The following MAST1 variants were observed in gnomAD, a reference collection of about 807,000 sequenced individuals.
The protein encoded by MAST1 is microtubule-associated serine/threonine-protein kinase 1.
A neutral mutation model predicts 124.6 loss-of-function variants in MAST1; 40 were observed. That is an observed-to-expected ratio of 0.32 (90% confidence interval 0.25 to 0.42). MAST1 has a LOEUF of 0.42. Among genes scored for constraint, MAST1 ranks in the 10% least tolerant of loss-of-function variants. The pLI, the probability that MAST1 is intolerant of heterozygous loss-of-function variation, is 1.00. For synonymous variants in MAST1, 938 were observed against 939.4 expected (o/e 1.00, Z 0.03); for missense variants, 1,558 against 2,181.9 (o/e 0.71, Z 5.70).
Position 12,871,065 on chromosome 19 carries a change from G to A in MAST1, c.3156G>A (p.Thr1052=), listed in dbSNP as rs1970227498. The part of the protein sequence containing the change: ...KSGNKVAVTT[T]PFENTSIRIG... ...GCAACAAGGTAGCAGTGACCACAAC[G>A]CCCTTCGAAAATACCTCTATCCGCA... Residue 1052 remains threonine (T), a synonymous_variant, in exon 24 of 26, where the codon ACG becomes ACA. Transcript: ENST00000251472. 1.2e-6 allele frequency: 2 copies of A among 1,614,174 alleles called. No homozygotes were observed. The highest frequency in any genetic ancestry group is 1.3e-5 in the African/African-American group (1 of 75,050).
chr19:12,872,961 A>G (rs1970255334), intron 24 of MAST1, among the ~76,000 whole-genome samples: 1 of 151,238 alleles, frequency 6.6e-6, no homozygotes, highest in African/African-American at 2.4e-5. Context: ...CAGAATTGGG[A>G]GTGGCCTAAA....
rs114878184 is a variant in MAST1, at chr19:12,840,229, T to G, written c.84-217T>G. Among the ~76,000 whole-genome samples, 461 of 152,352 alleles carry G rather than the reference T, an allele frequency of 3.0e-3. 4 individuals are homozygous for G. Among genetic ancestry groups the G allele is most frequent in the African/African-American group, 0.011 (448 of 41,574 alleles). ...ACACTGCCCTACACATAATCCATAC[T>G]GAGAGTTTCTCACACACATGTCATA... On this transcript the variant is annotated intron_variant, in intron 1 of 25. Transcript: ENST00000251472.
intron 22 of MAST1, 61 bp downstream of exon 22, chr19:12,869,356 C>A: frequency 7.3e-7 from 1 of 1,365,262 alleles, no homozygotes. Flanking sequence ...AAAGGCCCCT[C>A]CAGCTCAAAC....
chr19:12,852,281 G>A (rs761080540), intron 9 of MAST1, 34 bp downstream of exon 9: 1 of 1,614,056 alleles, frequency 6.2e-7, no homozygotes, highest in Non-Finnish European at 8.5e-7. Flanking sequence ...GACTGGGGGT[G>A]AGCAGGCCCA....
At position 12,873,518 on chromosome 19, in the gene MAST1, C is replaced by A; in HGVS notation, c.3451+7C>A. ...CCTGACTCCGCCTACCTAGGTATTA[C>A]CTCCTGCACCTGCGCGGGGACCGAG... On this transcript the variant is annotated splice_region_variant and intron_variant, in intron 25 of 25. Coordinates refer to ENST00000251472, the MANE Select transcript of MAST1 (RefSeq NM_014975.3). 6.3e-7 allele frequency: 1 copy of A among 1,597,402 alleles called. No homozygotes were observed. Among genetic ancestry groups the A allele is most frequent in the Non-Finnish European group, 8.5e-7 (1 of 1,174,202 alleles).
Position 12,865,966 on chromosome 19 carries a change from C to A in MAST1, c.1907-14C>A. 6.2e-7 allele frequency: 1 copy of A among 1,613,314 alleles called. No individual in the cohort carries two copies. Among genetic ancestry groups the A allele is most frequent in the Non-Finnish European group, 8.5e-7 (1 of 1,179,866 alleles). On this transcript the variant is annotated splice_polypyrimidine_tract_variant and intron_variant, in intron 16 of 25. Transcript: ENST00000251472. The surrounding 1 kb of genome is among the most constrained non-coding windows in gnomAD (Gnocchi z 7.1). ...GTTGGCCATCAGCTGTGGCTGGAAT[C>A]CCTTCCGTCCCAGGCGGCGCTTTTG...
At position 12,873,396 on chromosome 19, in the gene MAST1, G is replaced by T; in HGVS notation, c.3336G>T (p.Ser1112=). ...SNLLHTSRSL[S]SLNRSLSSSD... is the part of the protein sequence containing the mutation. ...TGCTGCATACTAGCCGCTCGCTGTC[G>T]TCGCTGAACCGCTCGCTGTCATCCA... Residue 1112 remains serine (S), a synonymous_variant, in exon 25 of 26, where the codon TCG becomes TCT. Transcript: ENST00000251472. 6.2e-7 allele frequency: 1 copy of T among 1,614,020 alleles called. No individual in the cohort carries two copies.
In MAST1 at chr19:12,843,493, G is replaced by A; in HGVS notation, c.249-36G>A. 6.3e-7 allele frequency: 1 copy of A among 1,581,638 alleles called. No homozygotes were observed. Among genetic ancestry groups the A allele is most frequent in the East Asian group, 2.2e-5 (1 of 44,648 alleles). On this transcript the variant is annotated intron_variant, in intron 3 of 25. Transcript: ENST00000251472. This position sits in a 1 kb window ranked among gnomAD's most constrained non-coding sequence, Gnocchi z 4.9. ...CCTGAGGAGTTGGGGGACCGCTGGG[G>A]CCTTGTGGCCTCTGAGCACCTTGGC...
At chr19:12,844,335 G>C (rs6511841) in intron 4 of MAST1, among the ~76,000 whole-genome samples, 1 of 152,000 alleles carries the variant, frequency 6.6e-6, no homozygotes, top group African/African-American at 2.4e-5. Context: ...CCCTTATCCA[G>C]CCATTGGCAT....
rs551595296 is a variant in MAST1, at chr19:12,866,243, G to A, written c.2029+141G>A. ...GTGCGAAGGTGGTATTTTGGTGGGG[G>A]CGGGGCCAAGTGGGGCGGGGCTGAC... On this transcript the variant is annotated intron_variant, in intron 17 of 25. Transcript: ENST00000251472. This position sits in a 1 kb window ranked among gnomAD's most constrained non-coding sequence, Gnocchi z 5.2. 3.3e-6 allele frequency: 4 copies of A among 1,202,260 alleles called. No homozygotes were observed. In the South Asian group the frequency reaches 4.6e-5, roughly 14 times the overall value. 74.5% of individuals were successfully genotyped at this position (1,202,260 alleles called of 1,614,324 possible).
chr19:12,871,015 T>C, intron 23 of MAST1, 21 bp from the exon 24 acceptor site: 1 of 1,614,028 alleles, frequency 6.2e-7, no homozygotes, highest in Non-Finnish European at 8.5e-7. Context: ...AGCAGAGCAT[T>C]TTCCCGCATT....
At position 12,847,990 on chromosome 19, in the gene MAST1, G is replaced by C. The variant is rs1340013440; in HGVS notation, c.707G>C (p.Arg236Pro). 1 of 1,614,162 alleles carries C rather than the reference G, an allele frequency of 6.2e-7. No homozygotes were observed. ...ELARDCLTKS[R>P]DGLITTVYFY... Reference sequence around the variant, plus strand: ...GCCCGGGACTGCCTGACCAAGTCCCGTGACGGCCTCATCACCACGGTCTAC... The same window carrying C: ...GCCCGGGACTGCCTGACCAAGTCCCCTGACGGCCTCATCACCACGGTCTAC... Residue 236 changes from arginine to proline, a missense_variant, in exon 7 of 26, where the codon CGT becomes CCT. Transcript: ENST00000251472. This position sits in a 1 kb window ranked among gnomAD's most constrained non-coding sequence, Gnocchi z 5.5.
At chr19:12,854,403 G>GT (rs1381226298) in intron 10 of MAST1, among the ~76,000 whole-genome samples, 1 of 152,152 alleles carries the variant, frequency 6.6e-6, no homozygotes, top group African/African-American at 2.4e-5. Context: ...GATTACAGGC[G>GT]TGAGCCACAT....
In MAST1 at chr19:12,864,957, G is replaced by C. The variant is rs923039076; in HGVS notation, c.1505+10G>C. ...ACCTCAAGCCTGACAAGTGAGCTTT[G>C]ATCTTTCCCATCACTCCCTCTGTCC... On this transcript the variant is annotated intron_variant, in intron 13 of 25. Transcript: ENST00000251472. 13 of 1,614,108 alleles carry C rather than the reference G, an allele frequency of 8.1e-6. No individual in the cohort carries two copies. Among genetic ancestry groups the C allele is most frequent in the Non-Finnish European group, 1.1e-5 (13 of 1,180,006 alleles).
In MAST1 at chr19:12,843,437, C is replaced by A. The variant is rs1969855439; in HGVS notation, c.249-92C>A. 4.3e-6 allele frequency: 4 copies of A among 931,694 alleles called. No homozygotes were observed. Among genetic ancestry groups the A allele is most frequent in the Non-Finnish European group, 6.8e-6 (4 of 587,486 alleles). 57.7% of individuals were successfully genotyped at this position (931,694 alleles called of 1,614,324 possible). On this transcript the variant is annotated intron_variant, in intron 3 of 25. Transcript: ENST00000251472. The surrounding 1 kb of genome is among the most constrained non-coding windows in gnomAD (Gnocchi z 4.9). ...TGCAGATATATTCCCCCAACCCCCACCCTGGCCCTGGCCAGTGGCTTCACC... is the reference window on the plus strand; with the variant it reads ...TGCAGATATATTCCCCCAACCCCCAACCTGGCCCTGGCCAGTGGCTTCACC...
chr19:12,857,068 T>C (rs890075317), intron 10 of MAST1, among the ~76,000 whole-genome samples: 5 of 152,152 alleles, frequency 3.3e-5, no homozygotes, highest in African/African-American at 1.2e-4. Context: ...GCCTTTCTGT[T>C]ATTGTAAGTG....
intron 7 of MAST1, among the ~76,000 whole-genome samples, chr19:12,849,132 T>C (rs1047238713): frequency 5.0e-4 from 76 of 151,966 alleles, no homozygotes; most frequent in African/African-American, 1.8e-3. Context: ...TTGGTGAGGG[T>C]GGGGGGGTGG....
chr19:12,871,177 G>C lies in MAST1; in HGVS notation c.3263+5G>C. On this transcript the variant is annotated splice_donor_5th_base_variant and intron_variant, in intron 24 of 25. Coordinates refer to ENST00000251472, the MANE Select transcript of MAST1 (RefSeq NM_014975.3). ...CGCCAAGGAGGGCCAGGAGAGGTGG[G>C]CACAGCCGTAAACAGCCTGGTCTTT... The C allele has an allele frequency of 6.2e-7, 1 of 1,614,012 alleles. No individual in the cohort carries two copies. The highest frequency in any genetic ancestry group is 8.5e-7 in the Non-Finnish European group (1 of 1,179,986).
chr19:12,867,679 G>C, intron 19 of MAST1, 27 bp downstream of exon 19: 1 of 1,549,710 alleles, frequency 6.5e-7, no homozygotes, highest in African/African-American at 1.4e-5. Context: ...CGGAGTTTGG[G>C]GGCGGGGTCG....
Sources: gnomAD v4.1 joint callset for allele counts (sites outside exome capture counted in the v4.1 genomes callset) on GRCh38, gnomAD v4.1.1 for gene constraint, Gnocchi (gnomAD v3.1) non-coding constraint, MANE v1.5 for transcripts, NCBI Gene and HGNC (gene_info 2026-07-23, HGNC 2026-07-21) for gene names.